HS3ST1: variants seen among roughly 807,000 people sequenced by gnomAD.
HS3ST1 encodes the protein heparan sulfate glucosamine 3-O-sulfotransferase 1.
HS3ST1 carries 8 observed loss-of-function variants against 20.7 expected under a neutral mutation model. The ratio of observed to expected loss-of-function variants is 0.39; its 90% CI spans 0.23 to 0.70. The LOEUF (loss-of-function observed/expected upper bound fraction) is 0.70, where lower values mean the gene tolerates loss of function less well. HS3ST1 is among the 30% of genes least tolerant of loss of function. The pLI, the probability that HS3ST1 is intolerant of heterozygous loss-of-function variation, is 0.46. For synonymous variants in HS3ST1, 205 were observed against 190.4 expected (o/e 1.08, Z -0.63); for missense variants, 436 against 423.4 (o/e 1.03, Z -0.26).
rs953595251 is a variant in HS3ST1, at chr4:11,421,944, C to T, written c.-109+6755G>A. On this transcript the variant is annotated intron_variant, in intron 1 of 1. Coordinates refer to ENST00000002596, the MANE Select transcript of HS3ST1 (RefSeq NM_005114.4). ...TAGCAAATGAAGATGGTGAGAGCTC[C>T]CCTGCAGTCCTCGCAGGACTGGGTA... Among the ~76,000 whole-genome samples, 14 of 152,142 alleles carry T rather than the reference C, an allele frequency of 9.2e-5. 1 individual carries two copies.
rs983663897 is a variant in HS3ST1, at chr4:11,394,437, C to T, written c.*4645G>A. The T allele has an allele frequency of 6.6e-6, 1 of 152,230 alleles. No individual in the cohort carries two copies. Among genetic ancestry groups the T allele is most frequent in the Non-Finnish European group, 1.5e-5 (1 of 68,048 alleles). The allele number at this position is 152,230 out of a possible 1,614,324, so 9.4% of individuals were successfully genotyped here. A position where few individuals can be genotyped will look rare whatever the true frequency, so the allele number is the denominator to read the frequency against. On this transcript the variant is annotated 3_prime_UTR_variant, in exon 2 of 2. Transcript: ENST00000002596. ...CCGATGATGTCCTCTTTAGCTTTGG[C>T]CTTCTCTCACTGTGTGCTGTTTGGA...
rs181555880 is a variant in HS3ST1 at position 11,394,148 on chromosome 4, G to A, written c.*4934C>T. The A allele has an allele frequency of 4.6e-5, 7 of 152,262 alleles. No individual in the cohort carries two copies. Among genetic ancestry groups the A allele is most frequent in the African/African-American group, 1.4e-4 (6 of 41,554 alleles). 9.4% of individuals were successfully genotyped at this position (152,262 alleles called of 1,614,324 possible). ...GTTTTTACCTACTTTATCTCATTGA[G>A]TTGGAGTTTTCCCCCAACAGAGTAC... On this transcript the variant is annotated 3_prime_UTR_variant, in exon 2 of 2. Coordinates refer to ENST00000002596, the MANE Select transcript of HS3ST1 (RefSeq NM_005114.4).
chr4:11,426,427 A>G (rs114927375), intron 1 of HS3ST1, among the ~76,000 whole-genome samples: 2,315 of 151,140 alleles, frequency 0.015, 44 homozygotes, highest in African/African-American at 0.054. Flanking sequence ...TAAGAAAAGT[A>G]CATGCTCCAA....
chr4:11,432,960 A>G (rs1719233546), upstream of HS3ST1, among the ~76,000 whole-genome samples: 2 of 152,176 alleles, frequency 1.3e-5, no homozygotes, highest in African/African-American at 4.8e-5. Flanking sequence ...TTTTCTGAAA[A>G]CAGGATTTTT....
At chr4:11,427,108 C>A (rs1296828375) in intron 1 of HS3ST1, among the ~76,000 whole-genome samples, 1 of 147,942 alleles carries the variant, frequency 6.8e-6, no homozygotes, top group Non-Finnish European at 1.5e-5. Context: ...CTTTTTTTTT[C>A]TTTTTTTTTT....
In HS3ST1 at chr4:11,425,477, C is replaced by A. The variant is rs146881595; in HGVS notation, c.-109+3222G>T. ...AAACACTCTAAAAATTGACTGTGAT[C>A]CTGAAAACAAGAAAGGAATCATTCT... On this transcript the variant is annotated intron_variant, in intron 1 of 1. Coordinates refer to ENST00000002596, the MANE Select transcript of HS3ST1 (RefSeq NM_005114.4). Among the ~76,000 whole-genome samples the A allele has an allele frequency of 4.3e-3, 649 of 152,226 alleles. 4 individuals carry two copies. The highest frequency in any genetic ancestry group is 0.011 in the African/African-American group (469 of 41,540).
At chr4:11,424,706 C>T (rs1331456840) in intron 1 of HS3ST1, among the ~76,000 whole-genome samples, 1 of 152,198 alleles carries the variant, frequency 6.6e-6, no homozygotes, top group African/African-American at 2.4e-5. Context: ...GCCAACGCCA[C>T]TTGATCCATG....
intron 1 of HS3ST1, among the ~76,000 whole-genome samples, chr4:11,400,652 C>T (rs1308018498): frequency 6.6e-6 from 1 of 152,182 alleles, no homozygotes; most frequent in Non-Finnish European, 1.5e-5. Flanking sequence ...GGCAAAGGGG[C>T]AGGTGATATA....
At chr4:11,427,318 T>C (rs957192929) in intron 1 of HS3ST1, among the ~76,000 whole-genome samples, 1 of 152,062 alleles carries the variant, frequency 6.6e-6, no homozygotes, top group Non-Finnish European at 1.5e-5. Context: ...CCGGGGCTAC[T>C]GGCGGGAGGC....
intron 1 of HS3ST1, among the ~76,000 whole-genome samples, chr4:11,406,703 G>T (rs1718474351): frequency 6.6e-6 from 1 of 152,174 alleles, no homozygotes; most frequent in South Asian, 2.1e-4. Flanking sequence ...AGGCAAGGGA[G>T]AGCTTACTTA....
intron 1 of HS3ST1, among the ~76,000 whole-genome samples, chr4:11,419,477 G>A (rs1434911125): frequency 2.6e-5 from 4 of 152,030 alleles, no homozygotes; most frequent in Non-Finnish European, 4.4e-5. Flanking sequence ...GGGGCCTGTC[G>A]GAGGTTGGGG....
At chr4:11,404,860 C>A (rs1718421132) in intron 1 of HS3ST1, among the ~76,000 whole-genome samples, 1 of 152,236 alleles carries the variant, frequency 6.6e-6, no homozygotes, top group South Asian at 2.1e-4. Flanking sequence ...ACTTTCCACA[C>A]AGGGCTTGCT....
upstream of HS3ST1, among the ~76,000 whole-genome samples, chr4:11,430,127 C>G (rs1719176047): frequency 6.6e-6 from 1 of 152,114 alleles, no homozygotes; most frequent in Non-Finnish European, 1.5e-5. Context: ...AGATTACCCT[C>G]GGCACTTTCA....
chr4:11,411,363 A>G (rs912805631), intron 1 of HS3ST1, among the ~76,000 whole-genome samples: 11 of 152,202 alleles, frequency 7.2e-5, no homozygotes, highest in Admixed American at 6.5e-4. Flanking sequence ...GCCCACATAC[A>G]TATACACACC....
chr4:11,403,446 C>G (rs1371055963), intron 1 of HS3ST1, among the ~76,000 whole-genome samples: 1 of 152,170 alleles, frequency 6.6e-6, no homozygotes, highest in East Asian at 1.9e-4. Flanking sequence ...TTATAAACAT[C>G]AGGGAAGAAG....
At position 11,393,875 on chromosome 4, in the gene HS3ST1, C is replaced by G. The variant is rs1340343462; in HGVS notation, c.*5207G>C. 1 of 152,210 alleles carries G rather than the reference C, an allele frequency of 6.6e-6. No homozygotes were observed. Among genetic ancestry groups the G allele is most frequent in the Non-Finnish European group, 1.5e-5 (1 of 68,078 alleles). 9.4% of individuals were successfully genotyped at this position (152,210 alleles called of 1,614,324 possible). A position where few individuals can be genotyped will look rare whatever the true frequency, so the allele number is the denominator to read the frequency against. ...CATCTTCAGGTAAGAAAACTCCTGC[C>G]AACTAAGAGAAATCCTTCAGAAAAT... On this transcript the variant is annotated 3_prime_UTR_variant, in exon 2 of 2. Coordinates refer to ENST00000002596, the MANE Select transcript of HS3ST1 (RefSeq NM_005114.4).
At chr4:11,430,327 C>T (rs896381978), upstream of HS3ST1, among the ~76,000 whole-genome samples, 1 of 152,106 alleles carries the variant, frequency 6.6e-6, no homozygotes, top group African/African-American at 2.4e-5. Context: ...TAAAAAGTGA[C>T]TTTAAAGGCC....
chr4:11,407,662 A>G (rs1718505436), intron 1 of HS3ST1, among the ~76,000 whole-genome samples: 1 of 152,252 alleles, frequency 6.6e-6, no homozygotes. Context: ...CTGGATAAAA[A>G]ATTCGCATGA....
chr4:11,400,701 G>A (rs1718299524), intron 1 of HS3ST1, among the ~76,000 whole-genome samples: 1 of 152,170 alleles, frequency 6.6e-6, no homozygotes, highest in South Asian at 2.1e-4. Flanking sequence ...TTCCAGCCAG[G>A]GGCTCCTAAT....
Sources: gnomAD v4.1 joint callset for allele counts (sites outside exome capture counted in the v4.1 genomes callset) on GRCh38, gnomAD v4.1.1 for gene constraint, MANE v1.5 for transcripts, NCBI Gene and HGNC (gene_info 2026-07-23, HGNC 2026-07-21) for gene names.